The following LY96 variants were observed in gnomAD, a reference collection of about 807,000 sequenced individuals.
The protein encoded by LY96 is myeloid differentiation protein-2.
LY96 carries 18 observed loss-of-function variants against 18.9 expected under a neutral mutation model. That is an observed-to-expected ratio of 0.95 (90% CI 0.66 to 1.41). LY96 has a LOEUF of 1.41. LY96 is among the 40% of genes most tolerant of loss of function. LY96 has a pLI of 0.00. For missense variants in LY96, 175 were observed against 182.4 expected (o/e 0.96, Z 0.23); for synonymous variants, 66 against 62.6 (o/e 1.06, Z -0.26).
At chr8:74,079,398 G>T in the LY96 span, 1 of 152,148 alleles carries the variant, frequency 6.6e-6, no homozygotes, top group Non-Finnish European at 1.5e-5. Context: ...TGGAGAACCT[G>T]ACTAATACAC....
chr8:74,067,266 C>G, the LY96 span, among the ~76,000 whole-genome samples: 1 of 152,170 alleles, frequency 6.6e-6, no homozygotes, highest in Admixed American at 6.5e-5. Flanking sequence ...GAGTCTTGCT[C>G]TGTCACTCAG....
the LY96 span, among the ~76,000 whole-genome samples, chr8:74,067,167 G>C: frequency 2.6e-5 from 4 of 152,190 alleles, no homozygotes; most frequent in African/African-American, 9.7e-5. Context: ...TCATAGGTAT[G>C]TGTGCATGAC....
At chr8:74,022,389 ACAG>A (rs1400988131) in intron 3 of LY96, among the ~76,000 whole-genome samples, 1 of 151,882 alleles carries the variant, frequency 6.6e-6, no homozygotes, top group East Asian at 1.9e-4. Context: ...CCTGGGCTAC[ACAG>A]TGAGACTCCA....
intron 1 of LY96, among the ~76,000 whole-genome samples, chr8:73,993,879 TA>T (rs963767364): frequency 6.6e-6 from 1 of 152,254 alleles, no homozygotes; most frequent in African/African-American, 2.4e-5. Context: ...GCACCTGGCC[TA>T]AAATTTCACA....
the LY96 span, among the ~76,000 whole-genome samples, chr8:74,093,052 TG>T: frequency 6.6e-6 from 1 of 152,226 alleles, no homozygotes; most frequent in Non-Finnish European, 1.5e-5. Flanking sequence ...AGCCCATCAC[TG>T]TAGCCTACTC....
the LY96 span, among the ~76,000 whole-genome samples, chr8:74,089,453 A>C: frequency 6.6e-6 from 1 of 151,998 alleles, no homozygotes; most frequent in Non-Finnish European, 1.5e-5. Context: ...CCAAACATGC[A>C]TAGGACGAGC....
the LY96 span, among the ~76,000 whole-genome samples, chr8:74,086,031 A>G: frequency 1.3e-5 from 2 of 151,940 alleles, no homozygotes; most frequent in South Asian, 2.1e-4. Context: ...TCTGACCAAG[A>G]TCTCCCCAAC....
the LY96 span, among the ~76,000 whole-genome samples, chr8:74,040,165 G>A: frequency 6.6e-6 from 1 of 152,180 alleles, no homozygotes; most frequent in South Asian, 2.1e-4. Flanking sequence ...ATGCAACGAA[G>A]AGTAATATTA....
At chr8:74,083,620 A>C in the LY96 span, among the ~76,000 whole-genome samples, 1 of 152,212 alleles carries the variant, frequency 6.6e-6, no homozygotes, top group Non-Finnish European at 1.5e-5. Context: ...TTTTACTTTT[A>C]TAGTTGGTTT....
chr8:74,007,430 A>G (rs1359142700), intron 2 of LY96, among the ~76,000 whole-genome samples: 1 of 152,234 alleles, frequency 6.6e-6, no homozygotes, highest in Non-Finnish European at 1.5e-5. Context: ...TCATATTTTT[A>G]TAGCGCAATT....
the LY96 span, among the ~76,000 whole-genome samples, chr8:74,095,616 C>T: frequency 6.6e-6 from 1 of 152,218 alleles, no homozygotes; most frequent in African/African-American, 2.4e-5. Context: ...CACAGTCGCT[C>T]ACTCTCTCTT....
the LY96 span, among the ~76,000 whole-genome samples, chr8:74,096,806 C>T: frequency 2.0e-5 from 3 of 152,188 alleles, no homozygotes; most frequent in African/African-American, 7.2e-5. Context: ...GCTAGGATGG[C>T]TGGCTTGCTC....
At chr8:74,088,554 T>G in the LY96 span, among the ~76,000 whole-genome samples, 17 of 152,284 alleles carry the variant, frequency 1.1e-4, no homozygotes, top group South Asian at 3.5e-3. Flanking sequence ...AACCGCAGAC[T>G]GTGACCCTTT....
the LY96 span, among the ~76,000 whole-genome samples, chr8:74,042,248 C>T: frequency 4.6e-5 from 7 of 152,324 alleles, no homozygotes; most frequent in South Asian, 2.1e-4. Flanking sequence ...GGGCTGGGCA[C>T]AGAGGCTCAC....
At chr8:74,026,918 C>A in intron 4 of LY96, 77 bp downstream of exon 4, 1 of 754,516 alleles carries the variant, frequency 1.3e-6, no homozygotes, top group African/African-American at 1.8e-5. Context: ...ACAAGCAATT[C>A]ACAACTTCTT....
chr8:74,028,409 G>C (rs1379926546), intron 4 of LY96, among the ~76,000 whole-genome samples: 1 of 152,086 alleles, frequency 6.6e-6, no homozygotes, highest in Non-Finnish European at 1.5e-5. Flanking sequence ...TGAAAGCACT[G>C]GATGACCATT....
At chr8:74,010,480 AAAAAAAT>A (rs1816507550) in intron 3 of LY96, among the ~76,000 whole-genome samples, 1 of 151,988 alleles carries the variant, frequency 6.6e-6, no homozygotes. Context: ...ACCAAGGGAT[AAAAAAAT>A]AAAAAATAAA....
the LY96 span, among the ~76,000 whole-genome samples, chr8:74,044,631 A>G: frequency 6.6e-6 from 1 of 152,178 alleles, no homozygotes; most frequent in Admixed American, 6.5e-5. Flanking sequence ...GCAAATGGAG[A>G]CGGTGGTGAG....
chr8:74,044,386 T>C, the LY96 span, among the ~76,000 whole-genome samples: 2 of 152,204 alleles, frequency 1.3e-5, no homozygotes, highest in Admixed American at 1.3e-4. Flanking sequence ...AAATGGGGTC[T>C]TAATAAGTTT....
Sources: allele counts gnomAD v4.1 joint callset (sites outside exome capture counted in the v4.1 genomes callset), GRCh38; gene constraint gnomAD v4.1.1; transcripts MANE v1.5; gene names NCBI Gene and HGNC (gene_info 2026-07-23, HGNC 2026-07-21).